The following HRH1 variants were observed in gnomAD, a reference collection of about 807,000 sequenced individuals.
HRH1 encodes the protein histamine receptor H1, also known as histamine H1 receptor.
A neutral mutation model predicts 10.3 loss-of-function variants in HRH1; 6 were observed. The ratio of observed to expected loss-of-function variants is 0.58; its 90% CI spans 0.32 to 1.15. The LOEUF (loss-of-function observed/expected upper bound fraction) is 1.15, where lower values mean the gene tolerates loss of function less well. Ranked by LOEUF, HRH1 falls within the 50% of genes most tolerant of loss-of-function variation. The pLI is 0.05. For synonymous variants in HRH1, 242 were observed against 236.7 expected (o/e 1.02, Z -0.21); for missense variants, 514 against 615.3 (o/e 0.84, Z 1.74).
At chr3:11,217,137 G>A (rs1451647481) in intron 1 of HRH1, among the ~76,000 whole-genome samples, 2 of 151,462 alleles carry the variant, frequency 1.3e-5, no homozygotes, top group African/African-American at 4.9e-5. Context: ...AGTGAGCCAA[G>A]ATTGCGCCAC....
intron 1 of HRH1, among the ~76,000 whole-genome samples, chr3:11,161,293 C>T (rs1169394027): frequency 2.0e-5 from 3 of 152,138 alleles, no homozygotes; most frequent in African/African-American, 4.8e-5. Flanking sequence ...TTTTTCATTT[C>T]TTTCAAACTT....
At chr3:11,153,345 C>T (rs1936690789), upstream of HRH1, among the ~76,000 whole-genome samples, 1 of 152,176 alleles carries the variant, frequency 6.6e-6, no homozygotes. Flanking sequence ...CCTTGTGTTA[C>T]CGACATGGGC....
chr3:11,252,407 T>A (rs953112063), intron 1 of HRH1, among the ~76,000 whole-genome samples: 13 of 152,228 alleles, frequency 8.5e-5, no homozygotes, highest in African/African-American at 3.1e-4. Flanking sequence ...AGATCATCCA[T>A]GTACTGGAGG....
intron 1 of HRH1, among the ~76,000 whole-genome samples, chr3:11,181,045 G>A (rs1437645998): frequency 6.6e-6 from 1 of 151,604 alleles, no homozygotes; most frequent in East Asian, 1.9e-4. Context: ...CACTTTGGGA[G>A]GCTGAGGCAG....
intron 1 of HRH1, among the ~76,000 whole-genome samples, chr3:11,258,344 C>T (rs911224532): frequency 1.3e-4 from 19 of 151,792 alleles, no homozygotes; most frequent in African/African-American, 4.6e-4. Flanking sequence ...AGAGTTGGCT[C>T]AGCAGCTTAG....
chr3:11,164,847 C>T (rs909454896), intron 1 of HRH1, among the ~76,000 whole-genome samples: 2 of 152,180 alleles, frequency 1.3e-5, no homozygotes, highest in Admixed American at 6.5e-5. Flanking sequence ...AAAAAGTTCT[C>T]GCTGAATTTC....
chr3:11,257,403 C>CA (rs898572926), intron 1 of HRH1, among the ~76,000 whole-genome samples: 6 of 150,620 alleles, frequency 4.0e-5, no homozygotes, highest in Admixed American at 1.3e-4. Context: ...TAAAAAAATA[C>CA]AAAAAAAATA....
At chr3:11,247,834 G>A (rs112404078) in intron 1 of HRH1, among the ~76,000 whole-genome samples, 5,048 of 152,234 alleles carry the variant, frequency 0.033, 101 homozygotes, top group Middle Eastern at 0.051. Context: ...ACTAAGGGAG[G>A]TTTTGGTGAG....
chr3:11,176,594 A>G (rs1937253711), intron 1 of HRH1, among the ~76,000 whole-genome samples: 1 of 152,204 alleles, frequency 6.6e-6, no homozygotes, highest in Non-Finnish European at 1.5e-5. Context: ...GCGGACCTGA[A>G]GGTGCCCAGT....
intron 1 of HRH1, among the ~76,000 whole-genome samples, chr3:11,142,517 A>G (rs1056145091): frequency 1.3e-5 from 2 of 152,206 alleles, no homozygotes; most frequent in Admixed American, 6.5e-5. Context: ...ACAAAGAAAA[A>G]AGACAATCAG....
chr3:11,149,181 C>T (rs1936540565), intron 1 of HRH1, among the ~76,000 whole-genome samples: 1 of 152,126 alleles, frequency 6.6e-6, no homozygotes, highest in Non-Finnish European at 1.5e-5. Flanking sequence ...AAGGTCAACC[C>T]CGTTTGGGTA....
chr3:11,156,212 G>A (rs1252421305), intron 1 of HRH1, among the ~76,000 whole-genome samples: 1 of 152,166 alleles, frequency 6.6e-6, no homozygotes, highest in Non-Finnish European at 1.5e-5. Flanking sequence ...GAAGGGCAGG[G>A]GATGCCTGGC....
intron 1 of HRH1, among the ~76,000 whole-genome samples, chr3:11,238,359 G>A (rs1290604212): frequency 1.3e-5 from 2 of 152,134 alleles, no homozygotes; most frequent in Non-Finnish European, 2.9e-5. Flanking sequence ...CTAAATCTTG[G>A]TTCTGGCTAA....
chr3:11,249,244 AT>A (rs1939571718), intron 1 of HRH1, among the ~76,000 whole-genome samples: 1 of 151,964 alleles, frequency 6.6e-6, no homozygotes, highest in Non-Finnish European at 1.5e-5. Flanking sequence ...AAAATAAAAA[AT>A]AAAAAAAATT....
At chr3:11,238,261 C>T (rs894044322) in intron 1 of HRH1, among the ~76,000 whole-genome samples, 1 of 152,148 alleles carries the variant, frequency 6.6e-6, no homozygotes. Flanking sequence ...CTCAGTCATT[C>T]CTCTCCTTCC....
At chr3:11,207,213 C>A (rs867688618) in intron 1 of HRH1, among the ~76,000 whole-genome samples, 4 of 151,834 alleles carry the variant, frequency 2.6e-5, no homozygotes, top group Admixed American at 1.3e-4. Context: ...CATGCTCAGC[C>A]CTGAAGGCCA....
intron 1 of HRH1, among the ~76,000 whole-genome samples, chr3:11,237,829 C>T (rs1939228684): frequency 6.6e-6 from 1 of 151,948 alleles, no homozygotes; most frequent in South Asian, 2.1e-4. Flanking sequence ...GCATGCGCCA[C>T]CACGCCCTGC....
intron 1 of HRH1, among the ~76,000 whole-genome samples, chr3:11,220,435 C>T (rs1259421068): frequency 6.6e-6 from 1 of 152,174 alleles, no homozygotes; most frequent in African/African-American, 2.4e-5. Context: ...ATGCAAGGGG[C>T]TTAGGAATGA....
intron 1 of HRH1, among the ~76,000 whole-genome samples, chr3:11,168,623 C>T (rs1317046236): frequency 6.6e-6 from 1 of 152,230 alleles, no homozygotes; most frequent in Non-Finnish European, 1.5e-5. Flanking sequence ...ATAACATGAG[C>T]GTAATCGTTG....
Sources: allele counts gnomAD v4.1 joint callset (sites outside exome capture counted in the v4.1 genomes callset), GRCh38; gene constraint gnomAD v4.1.1; transcripts MANE v1.5; gene names NCBI Gene and HGNC (gene_info 2026-07-23, HGNC 2026-07-21).